The following CSRNP3 variants were observed in gnomAD, a reference collection of about 807,000 sequenced individuals.
The protein encoded by CSRNP3 is cysteine and serine rich nuclear protein 3.
In CSRNP3, 12 loss-of-function variants were observed where a neutral mutation model predicts 48.0. The observed-to-expected ratio is 0.25, with a 90% CI of 0.16 to 0.41. CSRNP3 has a LOEUF of 0.41. Ranked by LOEUF, CSRNP3 falls within the 10% of genes least tolerant of loss-of-function variation. CSRNP3 has a pLI of 1.00. For synonymous variants in CSRNP3, 263 were observed against 269.7 expected (o/e 0.98, Z 0.24); for missense variants, 580 against 724.4 (o/e 0.80, Z 2.29).
rs1249247659 is a variant in CSRNP3, at chr2:165,681,724, T to TAC, written c.*1973_*1974dup. ...TGAGGATTTGTTGAAATCTCAAATA[T>TAC]ACATATATATATATATATATATATA... On this transcript the variant is annotated 3_prime_UTR_variant, in exon 7 of 7. Coordinates refer to ENST00000651982, the MANE Select transcript of CSRNP3 (RefSeq NM_001172173.2). 22 of 65,378 alleles carry TAC rather than the reference T, an allele frequency of 3.4e-4. No homozygotes were observed. The East Asian group carries it at 8.6e-3, about 26-fold the overall frequency. 4.0% of individuals were successfully genotyped at this position (65,378 alleles called of 1,614,324 possible).
chr2:165,523,759 G>A (rs1051259123), intron 3 of CSRNP3, among the ~76,000 whole-genome samples: 2 of 152,164 alleles, frequency 1.3e-5, no homozygotes, highest in Non-Finnish European at 2.9e-5. Context: ...TAATATAAAT[G>A]AGTGAAGTTG....
chr2:165,572,752 A>AGTC (rs1393348103), intron 3 of CSRNP3, among the ~76,000 whole-genome samples: 1 of 152,224 alleles, frequency 6.6e-6, no homozygotes, highest in Non-Finnish European at 1.5e-5. Context: ...TTGTCGATGT[A>AGTC]GTCAGATGTG....
At chr2:165,509,950 T>C (rs895409413) in intron 2 of CSRNP3, among the ~76,000 whole-genome samples, 1 of 152,190 alleles carries the variant, frequency 6.6e-6, no homozygotes, top group African/African-American at 2.4e-5. Context: ...GTCAAGTTAT[T>C]TTAGAATGTT....
chr2:165,551,196 C>T (rs1473323697), intron 3 of CSRNP3, among the ~76,000 whole-genome samples: 1 of 152,144 alleles, frequency 6.6e-6, no homozygotes, highest in African/African-American at 2.4e-5. Context: ...TACCCCCAGT[C>T]ATTTCATCTC....
At chr2:165,607,029 A>T (rs1266250757) in intron 4 of CSRNP3, among the ~76,000 whole-genome samples, 1 of 152,116 alleles carries the variant, frequency 6.6e-6, no homozygotes, top group Non-Finnish European at 1.5e-5. Context: ...CATAAATATG[A>T]GTATTAAGCA....
chr2:165,511,778 C>A (rs1684509605), intron 2 of CSRNP3, among the ~76,000 whole-genome samples: 1 of 152,172 alleles, frequency 6.6e-6, no homozygotes, highest in Non-Finnish European at 1.5e-5. Flanking sequence ...CCAGGCACTA[C>A]AGGGGACCCA....
intron 3 of CSRNP3, among the ~76,000 whole-genome samples, chr2:165,537,536 T>C (rs1684896821): frequency 6.6e-6 from 1 of 151,472 alleles, no homozygotes; most frequent in South Asian, 2.1e-4. Flanking sequence ...GTTTTATAAG[T>C]GTAAATGGAA....
chr2:165,513,163 T>A (rs1323359660), intron 2 of CSRNP3, among the ~76,000 whole-genome samples: 1 of 152,178 alleles, frequency 6.6e-6, no homozygotes, highest in Non-Finnish European at 1.5e-5. Context: ...CTGCTAGATT[T>A]CTTTGCCCCA....
intron 4 of CSRNP3, among the ~76,000 whole-genome samples, chr2:165,619,659 T>G (rs2105317188): frequency 6.6e-6 from 1 of 152,314 alleles, no homozygotes; most frequent in South Asian, 2.1e-4. Flanking sequence ...AATTCTTGCC[T>G]GATATCCTAG....
chr2:165,618,554 A>C (rs2105316350), intron 4 of CSRNP3, among the ~76,000 whole-genome samples: 1 of 152,364 alleles, frequency 6.6e-6, no homozygotes, highest in East Asian at 1.9e-4. Context: ...CAATAGCAAC[A>C]GAAAGATCAT....
At chr2:165,617,986 G>A (rs747232693) in intron 4 of CSRNP3, among the ~76,000 whole-genome samples, 1 of 152,236 alleles carries the variant, frequency 6.6e-6, no homozygotes, top group Non-Finnish European at 1.5e-5. Flanking sequence ...CCCCAGGGCA[G>A]GGTGTAGTCT....
At chr2:165,606,614 G>T (rs2105306351) in intron 4 of CSRNP3, among the ~76,000 whole-genome samples, 2 of 152,248 alleles carry the variant, frequency 1.3e-5, no homozygotes, top group East Asian at 3.9e-4. Context: ...TCAGGTGATT[G>T]AATTACTAAG....
In CSRNP3 at chr2:165,677,080, T is replaced by G. The variant is rs569915298; in HGVS notation, c.705+472T>G. Among the ~76,000 whole-genome samples, 87 of 152,362 alleles carry G rather than the reference T, an allele frequency of 5.7e-4. 3 individuals carry two copies. The South Asian group carries it at 0.017, about 29-fold the overall frequency. On this transcript the variant is annotated intron_variant, in intron 6 of 6. Coordinates refer to ENST00000651982, the MANE Select transcript of CSRNP3 (RefSeq NM_001172173.2). ...AAATTGTACTTCCATCTTTGCTGTT[T>G]GCCAACTATATGAAATTGGCAAGTC...
intron 3 of CSRNP3, among the ~76,000 whole-genome samples, chr2:165,552,862 T>C (rs1685115662): frequency 6.6e-6 from 1 of 151,948 alleles, no homozygotes; most frequent in Non-Finnish European, 1.5e-5. Flanking sequence ...GCCCGGCTAA[T>C]TTTTGTATTT....
At chr2:165,643,076 C>G (rs531445839) in intron 4 of CSRNP3, among the ~76,000 whole-genome samples, 1 of 152,246 alleles carries the variant, frequency 6.6e-6, no homozygotes, top group South Asian at 2.1e-4. Flanking sequence ...AGATGATGCA[C>G]TATGAGCTAA....
At chr2:165,483,706 T>C (rs1202909951) in intron 1 of CSRNP3, among the ~76,000 whole-genome samples, 1 of 152,206 alleles carries the variant, frequency 6.6e-6, no homozygotes, top group African/African-American at 2.4e-5. Flanking sequence ...AGATACCGTG[T>C]CTGGTGAGGG....
chr2:165,660,261 C>A (rs985307801), intron 5 of CSRNP3, among the ~76,000 whole-genome samples: 1 of 152,082 alleles, frequency 6.6e-6, no homozygotes, highest in Non-Finnish European at 1.5e-5. Context: ...ACTTTATGAA[C>A]ATGATTTAAT....
intron 3 of CSRNP3, among the ~76,000 whole-genome samples, chr2:165,576,816 G>A (rs1685458532): frequency 6.6e-6 from 1 of 152,018 alleles, no homozygotes; most frequent in Admixed American, 6.6e-5. Flanking sequence ...AGAATAAATA[G>A]AGTGATCTAA....
chr2:165,512,911 T>C (rs1047903089), intron 2 of CSRNP3, among the ~76,000 whole-genome samples: 2 of 152,222 alleles, frequency 1.3e-5, no homozygotes, highest in Non-Finnish European at 2.9e-5. Context: ...GAGACAATCC[T>C]GGCTAACACG....
Sources: gnomAD v4.1 joint callset for allele counts (sites outside exome capture counted in the v4.1 genomes callset) on GRCh38, gnomAD v4.1.1 for gene constraint, MANE v1.5 for transcripts, NCBI Gene and HGNC (gene_info 2026-07-23, HGNC 2026-07-21) for gene names.